Variants in GLDN observed in about 807,000 individuals in gnomAD.
GLDN encodes the protein gliomedin, also known as collomin.
GLDN carries 47 observed loss-of-function variants against 56.5 expected under a neutral mutation model. That is an observed-to-expected ratio of 0.83 (90% CI 0.66 to 1.06). The LOEUF (loss-of-function observed/expected upper bound fraction) is 1.06. Ranked by LOEUF, GLDN falls within the 50% of genes least tolerant of loss-of-function variation. The pLI is 0.00. For synonymous variants in GLDN, 332 were observed against 278.8 expected (o/e 1.19, Z -1.90); for missense variants, 782 against 714.3 (o/e 1.09, Z -1.08).
chr15:51,373,722 G>C (rs983990719), intron 1 of GLDN, among the ~76,000 whole-genome samples: 2 of 152,220 alleles, frequency 1.3e-5, no homozygotes, highest in African/African-American at 4.8e-5. Flanking sequence ...GGGAGGGGGA[G>C]AGCACTGGGA....
At chr15:51,410,921 T>C (rs1051262844), downstream of GLDN, among the ~76,000 whole-genome samples, 4 of 152,274 alleles carry the variant, frequency 2.6e-5, no homozygotes, top group Admixed American at 6.5e-5. Flanking sequence ...CCTTCCTTCA[T>C]TGAGGACCCC....
intron 1 of GLDN, among the ~76,000 whole-genome samples, chr15:51,358,315 C>T (rs1389407436): frequency 6.6e-6 from 1 of 152,188 alleles, no homozygotes; most frequent in East Asian, 1.9e-4. Context: ...TGTTGTGCTT[C>T]AGTGCCATTT....
At chr15:51,410,430 G>A (rs1447322572), downstream of GLDN, among the ~76,000 whole-genome samples, 1 of 152,202 alleles carries the variant, frequency 6.6e-6, no homozygotes, top group Non-Finnish European at 1.5e-5. Flanking sequence ...ATCGGTGTGA[G>A]AGTGTAAAGG....
At chr15:51,392,199 C>T (rs2038037098) in intron 4 of GLDN, among the ~76,000 whole-genome samples, 1 of 152,134 alleles carries the variant, frequency 6.6e-6, no homozygotes, top group South Asian at 2.1e-4. Flanking sequence ...GTAGGGGTCC[C>T]CAGCCCCCAG....
intron 2 of GLDN, among the ~76,000 whole-genome samples, chr15:51,378,327 G>T (rs751331593): frequency 1.3e-5 from 2 of 152,132 alleles, no homozygotes; most frequent in Non-Finnish European, 2.9e-5. Flanking sequence ...GTCATATTCC[G>T]GCCCTCACTG....
Position 51,342,080 on chromosome 15 carries a change from G to C in GLDN, c.363+33G>C, listed in dbSNP as rs752169891. 4.4e-6 allele frequency: 7 copies of C among 1,588,190 alleles called. No homozygotes were observed. In the African/African-American group the frequency reaches 6.8e-5, roughly 15 times the overall value. On this transcript the variant is annotated intron_variant, in intron 1 of 9. Coordinates refer to ENST00000335449, the MANE Select transcript of GLDN (RefSeq NM_181789.4). ...GGGTCTCTGTTCCCCGTGGCGCCCC[G>C]GCCAGGTGGGCGGCTGGGGGTGTGG...
rs867806350 is a variant in GLDN at position 51,400,498 on chromosome 15, G to A, written c.1027G>A (p.Gly343Ser). ...DRIWVTEHFS[G>S]IMVKEFKDQP... is the part of the protein sequence containing the mutation. The stretch of plus-strand genomic sequence containing the variant: ...GATTTGGGTGACAGAGCATTTTTCA[G>A]GTACTTGCACTCGGCCTATGACCCA... Residue 343 changes from glycine (G) to serine (S), a missense_variant and splice_region_variant, in exon 8 of 10, where the codon GGC (glycine) becomes AGC (serine). By Grantham distance (56) the Gly-to-Ser change is moderately conservative. Transcript: ENST00000335449. 3 of 1,613,870 alleles carry A rather than the reference G, an allele frequency of 1.9e-6. No individual in the cohort carries two copies. Among genetic ancestry groups the A allele is most frequent in the African/African-American group, 2.7e-5 (2 of 74,904 alleles).
rs528817993 is a variant in GLDN, at chr15:51,404,604, A to G, written c.1506A>G (p.Lys502=). 8.7e-6 allele frequency: 14 copies of G among 1,614,176 alleles called. No individual in the cohort carries two copies. In the South Asian group the frequency reaches 1.4e-4, roughly 16 times the overall value. The stretch of plus-strand genomic sequence containing the variant: ...TTGCCTTTGATTTGTTAGGAGGGAA[A>G]CAGATCAATGCAAACTTTGATTTAA... ...VTFAFDLLGG[K]QINANFDLRT... is the part of the protein sequence containing the mutation. The change falls in exon 10 of 10, where the codon AAA becomes AAG. Residue 502 remains lysine (K), a synonymous_variant. Transcript: ENST00000335449.
At position 51,400,450 on chromosome 15, in the gene GLDN, T is replaced by G. The variant is rs1363716301; in HGVS notation, c.979T>G (p.Ser327Ala). 1 of 1,613,648 alleles carries G rather than the reference T, an allele frequency of 6.2e-7. No individual in the cohort carries two copies. The highest frequency in any genetic ancestry group is 1.3e-5 in the African/African-American group (1 of 74,846). The part of the protein sequence containing the change: ...TETFGTWIRE[S>A]ANKSDDRIWV... Reference sequence around the variant, plus strand: ...GACATTTGGGACTTGGATAAGAGAGTCTGCTAACAAGAGTGATGACCGGAT... The same window carrying G: ...GACATTTGGGACTTGGATAAGAGAGGCTGCTAACAAGAGTGATGACCGGAT... The change falls in exon 8 of 10, where the codon TCT becomes GCT. Residue 327 changes from serine to alanine, a missense_variant. Physicochemically the swap from Ser to Ala is moderately conservative, Grantham distance 99 (BLOSUM62 1). Coordinates refer to ENST00000335449, the MANE Select transcript of GLDN (RefSeq NM_181789.4).
intron 6 of GLDN, among the ~76,000 whole-genome samples, chr15:51,398,855 C>A (rs2038190297): frequency 6.6e-6 from 1 of 152,176 alleles, no homozygotes; most frequent in Non-Finnish European, 1.5e-5. Context: ...CGAGCTTTTG[C>A]AGAATTCTAA....
In GLDN at chr15:51,383,454, G is replaced by A. The variant is rs2037812652; in HGVS notation, c.433+1G>A. 6.2e-7 allele frequency: 1 copy of A among 1,614,016 alleles called. No homozygotes were observed. ...GTTGTAGGACCTTCTGGACCACCAG[G>A]TAAGAGCCCATGGATTTTCTAGTTC... On this transcript the variant is annotated splice_donor_variant, in intron 3 of 9. Transcript: ENST00000335449. LOFTEE classifies it high-confidence loss of function.
chr15:51,345,954 A>G (rs1338275847), intron 1 of GLDN, among the ~76,000 whole-genome samples: 12 of 152,260 alleles, frequency 7.9e-5, no homozygotes, highest in African/African-American at 2.7e-4. Context: ...GTTGAAAGAT[A>G]TAATGGAAGA....
chr15:51,411,368 G>A (rs2038463453), downstream of GLDN, among the ~76,000 whole-genome samples: 1 of 152,218 alleles, frequency 6.6e-6, no homozygotes. Context: ...GCCAAGGTTA[G>A]AACATGAACA....
chr15:51,374,662 T>C (rs2037591172), intron 1 of GLDN, among the ~76,000 whole-genome samples: 1 of 152,168 alleles, frequency 6.6e-6, no homozygotes, highest in Non-Finnish European at 1.5e-5. Context: ...AAACTTCCAT[T>C]TCATTTCATA....
At position 51,362,839 on chromosome 15, in the gene GLDN, A is replaced by G. The variant is rs188242258; in HGVS notation, c.364-14610A>G. ...AGACCAAGTGAAAGCAGTGGAGATG[A>G]TAAGTGGATGGGGTAAAGATATGTC... On this transcript the variant is annotated intron_variant, in intron 1 of 9. Coordinates refer to ENST00000335449, the MANE Select transcript of GLDN (RefSeq NM_181789.4). Among the ~76,000 whole-genome samples the G allele has an allele frequency of 1.2e-4, 18 of 152,296 alleles. No homozygotes were observed. The East Asian group carries it at 3.5e-3, about 29-fold the overall frequency.
intron 4 of GLDN, among the ~76,000 whole-genome samples, chr15:51,394,383 C>T (rs958300500): frequency 6.6e-6 from 1 of 152,140 alleles, no homozygotes; most frequent in African/African-American, 2.4e-5. Flanking sequence ...GAGGCCGAGG[C>T]AGGCGGATCA....
chr15:51,399,446 G>C (rs965798964), intron 6 of GLDN, among the ~76,000 whole-genome samples: 13 of 152,038 alleles, frequency 8.6e-5, no homozygotes, highest in African/African-American at 3.1e-4. Context: ...GTTTGCTTCT[G>C]CTGCCCTAAG....
chr15:51,357,484 C>G (rs925894793), intron 1 of GLDN, among the ~76,000 whole-genome samples: 7 of 152,176 alleles, frequency 4.6e-5, no homozygotes, highest in Non-Finnish European at 7.3e-5. Context: ...CACCTGTCGG[C>G]CATTTAAAAG....
At chr15:51,343,329 A>C (rs963595790) in intron 1 of GLDN, among the ~76,000 whole-genome samples, 9 of 150,990 alleles carry the variant, frequency 6.0e-5, no homozygotes, top group Non-Finnish European at 1.0e-4. Context: ...CCTAAGCAGA[A>C]GTTTCAAAAA....
Sources: allele counts gnomAD v4.1 joint callset (sites outside exome capture counted in the v4.1 genomes callset), GRCh38; gene constraint gnomAD v4.1.1; transcripts MANE v1.5; gene names NCBI Gene and HGNC (gene_info 2026-07-23, HGNC 2026-07-21).